Variants in CGN observed in about 807,000 individuals in gnomAD.
The protein encoded by CGN is cingulin.
CGN carries 121 observed loss-of-function variants against 157.1 expected under a neutral mutation model. The ratio of observed to expected loss-of-function variants is 0.77; its 90% confidence interval spans 0.66 to 0.90. The LOEUF (loss-of-function observed/expected upper bound fraction) is 0.90. Ranked by LOEUF, CGN falls within the 40% of genes least tolerant of loss-of-function variation. CGN has a pLI of 0.00. For missense variants in CGN, 1,424 were observed against 1,520.9 expected, an observed-to-expected ratio of 0.94 and a Z score of 1.06; for synonymous variants, 535 against 607.5, an observed-to-expected ratio of 0.88 and a Z score of 1.76.
Position 151,537,888 on chromosome 1 carries a change from T to A in CGN, c.*542T>A, listed in dbSNP as rs1665005526. ...AGTCCCCATACCCCTCCAGTTCCTA[T>A]ATTTTTGTCTTCTTCCTTTCCCCTC... On this transcript the variant is annotated 3_prime_UTR_variant, in exon 21 of 21. Transcript: ENST00000271636. 6.5e-6 allele frequency: 1 copy of A among 152,760 alleles called. No individual in the cohort carries two copies. Among genetic ancestry groups the A allele is most frequent in the Admixed American group, 6.5e-5 (1 of 15,294 alleles). The allele number at this position is 152,760 out of a possible 1,614,324, so 9.5% of individuals were successfully genotyped here. A position where few individuals can be genotyped will look rare whatever the true frequency, so the allele number is the denominator to read the frequency against.
chr1:151,518,507 A>G lies in CGN; in HGVS notation c.-13A>G, dbSNP rs767540179. On this transcript the variant is annotated splice_region_variant and 5_prime_UTR_variant, in exon 2 of 21. Transcript: ENST00000271636. The stretch of plus-strand genomic sequence containing the variant: ...TAAACTCATTTCTTCATCTTCTAGG[A>G]CTCCTCCTATTTATGGAGCAGGCAC... 5.0e-6 allele frequency: 8 copies of G among 1,591,380 alleles called. No individual in the cohort carries two copies. In the Admixed American group the frequency reaches 8.7e-5, roughly 17 times the overall value.
intron 15 of CGN, 34 bp from the exon 16 acceptor site, chr1:151,535,008 A>C (rs771450567): frequency 6.6e-7 from 1 of 1,519,202 alleles, no homozygotes; most frequent in South Asian, 1.1e-5. Context: ...GGTGTCCAGC[A>C]TTTGGGACAG....
chr1:151,511,160 C>T (rs1485735073), upstream of CGN, among the ~76,000 whole-genome samples: 1 of 152,208 alleles, frequency 6.6e-6, no homozygotes, highest in Non-Finnish European at 1.5e-5. The surrounding 1 kb of genome is among the most constrained non-coding windows in gnomAD (Gnocchi z 4.8). Flanking sequence ...CCCAAAATGG[C>T]CTCCGCGCCC....
chr1:151,512,688 GGTT>G (rs1337020338), intron 1 of CGN, among the ~76,000 whole-genome samples: 4 of 152,244 alleles, frequency 2.6e-5, no homozygotes, highest in Non-Finnish European at 5.9e-5. Flanking sequence ...GCCTGAGGAA[GGTT>G]GTTGTAATTG....
chr1:151,535,438 C>T (rs1177485006), intron 16 of CGN, among the ~76,000 whole-genome samples, 162 bp from the exon 17 acceptor site: 1 of 152,206 alleles, frequency 6.6e-6, no homozygotes, highest in Admixed American at 6.5e-5. Context: ...TTTGCATTCT[C>T]TGGCCCCTCC....
At chr1:151,517,721 A>G (rs1450888643) in intron 1 of CGN, among the ~76,000 whole-genome samples, 1 of 152,140 alleles carries the variant, frequency 6.6e-6, no homozygotes, top group Non-Finnish European at 1.5e-5. Context: ...CGTGTTGGTC[A>G]GGCTGGTCTT....
chr1:151,511,242 C>T (rs1664276907), upstream of CGN: 2 of 152,362 alleles, frequency 1.3e-5, no homozygotes, highest in African/African-American at 4.8e-5. The surrounding 1 kb of genome is among the most constrained non-coding windows in gnomAD (Gnocchi z 4.8). Context: ...CGGCTGGAGA[C>T]CCCGGGTCCC....
In CGN at chr1:151,523,456, C is replaced by G. The variant is rs1168433756; in HGVS notation, c.1163C>G (p.Ser388Cys). ...EVKKRQKLEPSQVGLERQLEE... is the reference protein window; with the variant it reads ...EVKKRQKLEPCQVGLERQLEE... ...CAGAAGCGGCAGAAGCTAGAGCCAT[C>G]CCAAGTTGGGCTGGAGCGGCAGCTG... is the stretch of plus-strand genomic sequence containing the variant. The change falls in exon 6 of 21, where the codon TCC (serine) becomes TGC (cysteine). Residue 388 changes from serine (S) to cysteine (C), a missense_variant. Transcript: ENST00000271636. The G allele has an allele frequency of 1.2e-6, 2 of 1,613,296 alleles. No homozygotes were observed. Among genetic ancestry groups the G allele is most frequent in the Non-Finnish European group, 1.7e-6 (2 of 1,179,706 alleles).
In CGN at chr1:151,511,570, G is replaced by A; in HGVS notation, c.-15+55G>A. The A allele has an allele frequency of 6.5e-6, 1 of 154,242 alleles. No homozygotes were observed. Among genetic ancestry groups the A allele is most frequent in the South Asian group, 1.7e-4 (1 of 5,978 alleles). 9.6% of individuals were successfully genotyped at this position (154,242 alleles called of 1,614,324 possible). On this transcript the variant is annotated intron_variant, in intron 1 of 20. Transcript: ENST00000271636. This position sits in a 1 kb window ranked among gnomAD's most constrained non-coding sequence, Gnocchi z 4.8. ...CCGAGAGGAAAGCGAGCCTTCAGGG[G>A]TACCTTTGAGGGGCAGGCATCGAGG... is the stretch of plus-strand genomic sequence containing the variant.
At chr1:151,520,975 CTTACA>C (rs1385243445) in intron 5 of CGN, among the ~76,000 whole-genome samples, 2 of 152,278 alleles carry the variant, frequency 1.3e-5, no homozygotes, top group African/African-American at 4.8e-5. Flanking sequence ...AAGAAAATTA[CTTACA>C]TTCTCTGTGC....
intron 16 of CGN, 36 bp from the exon 17 acceptor site, chr1:151,535,564 C>T: frequency 6.5e-7 from 1 of 1,539,660 alleles, no homozygotes; most frequent in Admixed American, 1.7e-5. Flanking sequence ...ATCCTTAGCC[C>T]TCCCCAAGTC....
At chr1:151,527,444 G>A (rs1664707618) in intron 10 of CGN, among the ~76,000 whole-genome samples, 1 of 152,134 alleles carries the variant, frequency 6.6e-6, no homozygotes, top group Non-Finnish European at 1.5e-5. Flanking sequence ...TGGTCAGCAT[G>A]GCAAAAGCTG....
intron 8 of CGN, among the ~76,000 whole-genome samples, chr1:151,525,341 G>T (rs11204841): frequency 0.032 from 4,822 of 152,210 alleles, 264 homozygotes; most frequent in African/African-American, 0.11. Context: ...GGAGGTTGCA[G>T]TGAGCCGAGA....
intron 1 of CGN, among the ~76,000 whole-genome samples, chr1:151,517,983 A>G (rs112840562): frequency 0.023 from 3,474 of 151,884 alleles, 135 homozygotes; most frequent in African/African-American, 0.08. Flanking sequence ...AGTAGCTGGG[A>G]TTACAGGTGT....
chr1:151,523,405 AC>A, intron 5 of CGN, 28 bp from the exon 6 acceptor site: 1 of 1,580,298 alleles, frequency 6.3e-7, no homozygotes, highest in Non-Finnish European at 8.6e-7. Flanking sequence ...CCTACCCTCT[AC>A]CTGCTGTACT....
intron 10 of CGN, chr1:151,527,808 T>TACACACAC (rs141985486): frequency 0.017 from 2,637 of 155,968 alleles, 43 homozygotes; most frequent in Middle Eastern, 0.047. Flanking sequence ...TTTGGTTTTA[T>TACACACAC]ACACACACAC....
chr1:151,529,652 G>A, intron 11 of CGN, 93 bp downstream of exon 11: 1 of 1,164,398 alleles, frequency 8.6e-7, no homozygotes, highest in Non-Finnish European at 1.2e-6. Context: ...CCTGTCATGG[G>A]TATGTACTGA....
At chr1:151,535,474 G>C in intron 16 of CGN, 126 bp from the exon 17 acceptor site, 1 of 769,592 alleles carries the variant, frequency 1.3e-6, no homozygotes, top group East Asian at 2.5e-5. Context: ...TGATTTTTTA[G>C]TTGCCTGGGA....
At position 151,526,960 on chromosome 1, in the gene CGN, C is replaced by T; in HGVS notation, c.1764-15C>T. ...TCTGTTCCCTTTCCCCTTTATTTCA[C>T]CTTGCCTGGCTCAGACTCCTGCAGC... On this transcript the variant is annotated splice_polypyrimidine_tract_variant and intron_variant, in intron 9 of 20. Coordinates refer to ENST00000271636, the MANE Select transcript of CGN (RefSeq NM_020770.3). 1 of 1,614,114 alleles carries T rather than the reference C, an allele frequency of 6.2e-7. No individual in the cohort carries two copies. Among genetic ancestry groups the T allele is most frequent in the Non-Finnish European group, 8.5e-7 (1 of 1,179,996 alleles).
Sources: gnomAD v4.1 joint callset for allele counts (sites outside exome capture counted in the v4.1 genomes callset) on GRCh38, gnomAD v4.1.1 for gene constraint, Gnocchi (gnomAD v3.1) non-coding constraint, MANE v1.5 for transcripts, NCBI Gene and HGNC (gene_info 2026-07-23, HGNC 2026-07-21) for gene names.